The following ERI1 variants were observed in gnomAD, a reference collection of about 807,000 sequenced individuals.
The protein encoded by ERI1 is exoribonuclease 1.
ERI1 carries 39 observed loss-of-function variants against 39.7 expected under a neutral mutation model. The ratio of observed to expected loss-of-function variants is 0.98; its 90% CI spans 0.76 to 1.28. ERI1 has a LOEUF of 1.28. Among genes scored for constraint, ERI1 ranks in the 50% most tolerant of loss-of-function variants. The pLI, the probability that ERI1 is intolerant of heterozygous loss-of-function variation, is 0.00. For missense variants in ERI1, 581 were observed against 416.9 expected, an observed-to-expected ratio of 1.39 and a Z score of -3.43; for synonymous variants, 204 against 149.6, an observed-to-expected ratio of 1.36 and a Z score of -2.65.
downstream of ERI1, among the ~76,000 whole-genome samples, chr8:9,034,978 C>T (rs190671685): frequency 6.6e-6 from 1 of 152,212 alleles, no homozygotes; most frequent in Non-Finnish European, 1.5e-5. Context: ...CAAACTGCAA[C>T]ATTTCCTTAA....
chr8:9,074,665 C>T (rs1361923565), intron 3 of ERI1, among the ~76,000 whole-genome samples: 1 of 152,176 alleles, frequency 6.6e-6, no homozygotes, highest in Non-Finnish European at 1.5e-5. Context: ...AACTCCTGGA[C>T]TCAAGTGATC....
At chr8:9,013,295 G>C (rs1350994265) in intron 3 of ERI1, among the ~76,000 whole-genome samples, 1 of 147,798 alleles carries the variant, frequency 6.8e-6, no homozygotes, top group Non-Finnish European at 1.5e-5. Context: ...GATTACAGGC[G>C]TGAGCCACCA....
intron 2 of ERI1, among the ~76,000 whole-genome samples, chr8:9,009,670 G>T (rs1816457297): frequency 6.6e-6 from 1 of 152,116 alleles, no homozygotes; most frequent in Non-Finnish European, 1.5e-5. Flanking sequence ...CTCCTGAGTA[G>T]CTCGGATTAC....
intron 3 of ERI1, among the ~76,000 whole-genome samples, chr8:9,066,723 A>G (rs994730807): frequency 6.6e-6 from 1 of 152,208 alleles, no homozygotes; most frequent in African/African-American, 2.4e-5. Flanking sequence ...AAAGAAAGGA[A>G]GAAATAAGAG....
At chr8:9,060,013 A>T (rs1472005505) in intron 3 of ERI1, among the ~76,000 whole-genome samples, 1 of 152,170 alleles carries the variant, frequency 6.6e-6, no homozygotes, top group East Asian at 1.9e-4. Context: ...GAATTCTGAG[A>T]AGGGAAAGTG....
intron 3 of ERI1, among the ~76,000 whole-genome samples, chr8:9,042,406 T>C (rs1363172514): frequency 5.3e-5 from 8 of 152,212 alleles, no homozygotes; most frequent in Admixed American, 2.6e-4. Context: ...TTTTAAATTT[T>C]ATACATTAAG....
chr8:9,044,233 A>G (rs1236195078), intron 3 of ERI1, among the ~76,000 whole-genome samples: 1 of 152,236 alleles, frequency 6.6e-6, no homozygotes, highest in East Asian at 1.9e-4. Flanking sequence ...GTGCGAAAGG[A>G]TGTCCTTGTT....
intron 3 of ERI1, among the ~76,000 whole-genome samples, chr8:9,092,468 T>C (rs1799738728): frequency 6.6e-6 from 1 of 152,198 alleles, no homozygotes; most frequent in African/African-American, 2.4e-5. Context: ...AACTGGTTCA[T>C]TGGTTAAGTA....
chr8:9,004,485 C>CTTTTTTTTTTTTTTTTTTTTTTTTTTT (rs71201904), intron 1 of ERI1, among the ~76,000 whole-genome samples: 2 of 78,328 alleles, frequency 2.6e-5, no homozygotes, highest in African/African-American at 1.0e-4. Flanking sequence ...TATAGTGATA[C>CTTTTTTTTTTTTTTTTTTTTTTTTTTT]TTTTTTTTTT....
At chr8:9,097,672 A>G (rs932380806) in intron 3 of ERI1, among the ~76,000 whole-genome samples, 15 of 151,814 alleles carry the variant, frequency 9.9e-5, no homozygotes, top group African/African-American at 3.4e-4. Flanking sequence ...CTGTCAAAAA[A>G]AAAAAAAAAA....
intron 6 of ERI1, 44 bp downstream of exon 6, chr8:9,020,508 A>G: frequency 8.2e-7 from 1 of 1,216,904 alleles, no homozygotes; most frequent in South Asian, 1.4e-5. Context: ...TTAATGATAA[A>G]TTTGTTAAAA....
At chr8:9,070,825 G>A (rs1799022676) in intron 3 of ERI1, among the ~76,000 whole-genome samples, 1 of 152,168 alleles carries the variant, frequency 6.6e-6, no homozygotes, top group African/African-American at 2.4e-5. Flanking sequence ...GTAACTTGGG[G>A]ATGAATTAGT....
chr8:9,057,741 G>T (rs1798555678), intron 3 of ERI1, among the ~76,000 whole-genome samples: 1 of 152,142 alleles, frequency 6.6e-6, no homozygotes, highest in South Asian at 2.1e-4. Context: ...GAGCATCAAG[G>T]GTAGGGGGTG....
At chr8:9,044,547 A>G (rs1173300341) in intron 3 of ERI1, among the ~76,000 whole-genome samples, 1 of 152,180 alleles carries the variant, frequency 6.6e-6, no homozygotes, top group Admixed American at 6.5e-5. Flanking sequence ...ACAATCCATG[A>G]TGTGGCCAAA....
intron 3 of ERI1, among the ~76,000 whole-genome samples, chr8:9,041,821 G>A (rs1798030167): frequency 6.6e-6 from 1 of 152,162 alleles, no homozygotes; most frequent in African/African-American, 2.4e-5. Context: ...TTCAACCTCT[G>A]CCTCCCGGGT....
intron 1 of ERI1, among the ~76,000 whole-genome samples, chr8:9,007,302 A>G (rs138466493): frequency 1.3e-5 from 2 of 152,278 alleles, no homozygotes; most frequent in East Asian, 3.9e-4. Context: ...TGTAAATTAG[A>G]TTTGCGGTCC....
chr8:9,024,418 T>C (rs1242548603), intron 6 of ERI1, among the ~76,000 whole-genome samples: 7 of 150,668 alleles, frequency 4.6e-5, no homozygotes, highest in Non-Finnish European at 8.9e-5. Flanking sequence ...TCTTTTCTTT[T>C]CTTTTCTTTT....
intron 5 of ERI1, among the ~76,000 whole-genome samples, chr8:9,019,741 T>C (rs1817685397): frequency 1.3e-5 from 2 of 152,202 alleles, no homozygotes; most frequent in African/African-American, 4.8e-5. Context: ...AAGGATTATA[T>C]CCTGTTCCCA....
chr8:9,075,904 T>G (rs182298572), intron 3 of ERI1, among the ~76,000 whole-genome samples: 42 of 152,186 alleles, frequency 2.8e-4, no homozygotes, highest in African/African-American at 9.6e-4. Flanking sequence ...TCTCAAAGTG[T>G]TGCGATTACA....
Sources: allele counts gnomAD v4.1 joint callset (sites outside exome capture counted in the v4.1 genomes callset), GRCh38; gene constraint gnomAD v4.1.1; transcripts MANE v1.5; gene names NCBI Gene and HGNC (gene_info 2026-07-23, HGNC 2026-07-21).